The following LYPD1 variants were observed in gnomAD, a reference collection of about 807,000 sequenced individuals.
LYPD1 encodes the protein LY6/PLAUR domain containing 1.
Under a neutral mutation model 14.2 loss-of-function variants are expected in LYPD1, and 14 were observed. The observed-to-expected ratio is 0.99, with a 90% CI of 0.65 to 1.54. The LOEUF (loss-of-function observed/expected upper bound fraction) is 1.54, where lower values mean the gene tolerates loss of function less well. LYPD1 is among the 40% of genes most tolerant of loss of function. LYPD1 has a pLI of 0.00. For synonymous variants in LYPD1, 85 were observed against 70.6 expected (o/e 1.20, Z -1.02); for missense variants, 165 against 175.7 (o/e 0.94, Z 0.34).
At chr2:132,654,685 C>T (rs1042320249) in intron 2 of LYPD1, among the ~76,000 whole-genome samples, 6 of 152,098 alleles carry the variant, frequency 3.9e-5, no homozygotes, top group Non-Finnish European at 7.3e-5. Flanking sequence ...GTCTCAACAT[C>T]CATCCATGTA....
rs1337909587 is a variant in LYPD1, at chr2:132,670,186, T to A, written c.-254A>T. On this transcript the variant is annotated 5_prime_UTR_variant, in exon 1 of 3. Coordinates refer to ENST00000397463, the MANE Select transcript of LYPD1 (RefSeq NM_144586.7). This position sits in a 1 kb window ranked among gnomAD's most constrained non-coding sequence, Gnocchi z 4.5. Reference sequence around the variant, plus strand: ...CGGGCCGAGCACCGCGCCTCCGGAGTTGGCGGCTGAGACTGAAGGAACTAC... The same window carrying A: ...CGGGCCGAGCACCGCGCCTCCGGAGATGGCGGCTGAGACTGAAGGAACTAC... The A allele has an allele frequency of 1.7e-5, 22 of 1,275,954 alleles. No individual in the cohort carries two copies. Among genetic ancestry groups the A allele is most frequent in the African/African-American group, 3.2e-5 (2 of 62,834 alleles). The allele number at this position is 1,275,954 out of a possible 1,614,324, so 79.0% of individuals were successfully genotyped here. A position where few individuals can be genotyped will look rare whatever the true frequency, so the allele number is the denominator to read the frequency against.
At chr2:132,665,671 C>A (rs146514346) in intron 2 of LYPD1, among the ~76,000 whole-genome samples, 1 of 152,310 alleles carries the variant, frequency 6.6e-6, no homozygotes, top group East Asian at 1.9e-4. Flanking sequence ...ATCTAATTTT[C>A]CTGGACCTTG....
Position 132,646,258 on chromosome 2 carries a change from A to G in LYPD1, c.213T>C (p.Cys71=), listed in dbSNP as rs1480536581. 1.3e-6 allele frequency: 2 copies of G among 1,565,096 alleles called. No individual in the cohort carries two copies. The highest frequency in any genetic ancestry group is 2.3e-5 in the East Asian group (1 of 43,694). The change falls in exon 3 of 3, where the codon TGT becomes TGC. Residue 71 remains cysteine (C), a synonymous_variant. Transcript: ENST00000397463. ...QSAGIMYRKS[C]ASSAACLIAS... ...CGATGAGACAGGCCGCTGATGATGC[A>G]CAGGACTTGCGGTACATGATCCCTG...
intron 2 of LYPD1, chr2:132,646,539 AAGAGC>A (rs1682092235): frequency 1.4e-5 from 5 of 362,268 alleles, no homozygotes; most frequent in Non-Finnish European, 2.5e-5. Flanking sequence ...CCTGTTAATA[AAGAGC>A]TGTTAAATAG....
chr2:132,645,159 G>A lies in LYPD1; in HGVS notation c.*886C>T. The A allele has an allele frequency of 6.2e-7, 1 of 1,614,188 alleles. No homozygotes were observed. The highest frequency in any genetic ancestry group is 2.2e-5 in the East Asian group (1 of 44,878). On this transcript the variant is annotated 3_prime_UTR_variant, in exon 3 of 3. Coordinates refer to ENST00000397463, the MANE Select transcript of LYPD1 (RefSeq NM_144586.7). ...TGCCCAACCAGATTCGGAGGATCATGGCTGCGGCCAAACCCAAGCACGACT... is the reference window on the plus strand; with the variant it reads ...TGCCCAACCAGATTCGGAGGATCATAGCTGCGGCCAAACCCAAGCACGACT...
rs777574565 is a variant in LYPD1, at chr2:132,646,358, C to T, written c.191-78G>A. On this transcript the variant is annotated intron_variant, in intron 2 of 2. Transcript: ENST00000397463. ...CTGTCCCTCTCAGCCCAAATCCAAA[C>T]GGACAGCTCTTCCTTACTCCTCCCA... is the stretch of plus-strand genomic sequence containing the variant. 43 of 984,424 alleles carry T rather than the reference C, an allele frequency of 4.4e-5. No individual in the cohort carries two copies. The South Asian group carries it at 4.6e-4, about 11-fold the overall frequency. 61.0% of individuals were successfully genotyped at this position (984,424 alleles called of 1,614,324 possible). A position where few individuals can be genotyped will look rare whatever the true frequency, so the allele number is the denominator to read the frequency against.
At chr2:132,655,264 G>A (rs999259339) in intron 2 of LYPD1, among the ~76,000 whole-genome samples, 42 of 152,124 alleles carry the variant, frequency 2.8e-4, no homozygotes, top group African/African-American at 1.0e-3. Flanking sequence ...ATGCCAATTT[G>A]AAAGCTCATT....
chr2:132,647,321 A>C (rs1682150310), intron 2 of LYPD1, among the ~76,000 whole-genome samples: 2 of 152,248 alleles, frequency 1.3e-5, no homozygotes, highest in African/African-American at 4.8e-5. Flanking sequence ...CCATGCTGTC[A>C]AGACGGTGTT....
At position 132,645,141 on chromosome 2, in the gene LYPD1, C is replaced by T; in HGVS notation, c.*904G>A. On this transcript the variant is annotated 3_prime_UTR_variant, in exon 3 of 3. Coordinates refer to ENST00000397463, the MANE Select transcript of LYPD1 (RefSeq NM_144586.7). ...CATTGGCCGTATGCTGGATGCCCAA[C>T]CAGATTCGGAGGATCATGGCTGCGG... 1.2e-6 allele frequency: 2 copies of T among 1,614,100 alleles called. No homozygotes were observed. Among genetic ancestry groups the T allele is most frequent in the Non-Finnish European group, 1.7e-6 (2 of 1,179,978 alleles).
intron 2 of LYPD1, among the ~76,000 whole-genome samples, chr2:132,651,616 G>A (rs1408959757): frequency 1.3e-5 from 2 of 152,144 alleles, no homozygotes; most frequent in Admixed American, 6.5e-5. Context: ...TCCTTAATAG[G>A]GGAAAGGTAC....
chr2:132,650,737 A>G (rs1682332921), intron 2 of LYPD1, among the ~76,000 whole-genome samples: 1 of 151,572 alleles, frequency 6.6e-6, no homozygotes, highest in Non-Finnish European at 1.5e-5. Flanking sequence ...ACAAAAAACA[A>G]AAACAAAACC....
chr2:132,660,875 A>C (rs1558884098), intron 2 of LYPD1, among the ~76,000 whole-genome samples: 1 of 152,216 alleles, frequency 6.6e-6, no homozygotes, highest in Non-Finnish European at 1.5e-5. Context: ...CATGGTATTC[A>C]TTGTAGACGA....
At chr2:132,658,524 G>C (rs1164511298) in intron 2 of LYPD1, among the ~76,000 whole-genome samples, 2 of 152,184 alleles carry the variant, frequency 1.3e-5, no homozygotes, top group East Asian at 3.9e-4. Flanking sequence ...ATGATGCCAG[G>C]TTTTGTCAAT....
intron 2 of LYPD1, chr2:132,660,382 A>G (rs1429319022): frequency 6.6e-6 from 1 of 152,216 alleles, no homozygotes; most frequent in Non-Finnish European, 1.5e-5. Flanking sequence ...AAAACACTTA[A>G]TTCAGTCCAT....
intron 2 of LYPD1, among the ~76,000 whole-genome samples, chr2:132,648,395 T>C (rs1682224608): frequency 6.6e-6 from 1 of 152,268 alleles, no homozygotes; most frequent in Non-Finnish European, 1.5e-5. Context: ...GATGCTGTCA[T>C]CAGTGTGGCA....
In LYPD1 at chr2:132,644,160, A is replaced by G. The variant is rs1162926490; in HGVS notation, c.*1885T>C. Among the ~76,000 whole-genome samples the G allele has an allele frequency of 6.6e-6, 1 of 152,214 alleles. No homozygotes were observed. The highest frequency in any genetic ancestry group is 1.5e-5 in the Non-Finnish European group (1 of 68,028). ...CTGTGATTTCAGTTGTTTGTGGTCT[A>G]TGTAGCATCTTTATCTCTGTCAGTC... On this transcript the variant is annotated 3_prime_UTR_variant, in exon 3 of 3. Coordinates refer to ENST00000397463, the MANE Select transcript of LYPD1 (RefSeq NM_144586.7).
At chr2:132,658,843 G>A (rs984155049) in intron 2 of LYPD1, among the ~76,000 whole-genome samples, 3 of 152,334 alleles carry the variant, frequency 2.0e-5, no homozygotes, top group East Asian at 1.9e-4. Flanking sequence ...TCCCAAGGGA[G>A]AGCTGATGAC....
chr2:132,664,953 T>C (rs1318202092), intron 2 of LYPD1, among the ~76,000 whole-genome samples: 1 of 152,220 alleles, frequency 6.6e-6, no homozygotes, highest in Non-Finnish European at 1.5e-5. Context: ...ACTCATTAAG[T>C]GCAGAGCTAG....
In LYPD1 at chr2:132,644,852, T is replaced by C. The variant is rs141367491; in HGVS notation, c.*1193A>G. ...ATTAACAGACATCAACTGGTATAAA[T>C]ACACTGTCTAAAGCATTTAATGGTC... On this transcript the variant is annotated 3_prime_UTR_variant, in exon 3 of 3. Coordinates refer to ENST00000397463, the MANE Select transcript of LYPD1 (RefSeq NM_144586.7). 3.0e-3 allele frequency: 1,521 copies of C among 510,836 alleles called. 15 individuals are homozygous for C. Among genetic ancestry groups the C allele is most frequent in the Non-Finnish European group, 1.1e-3 (311 of 291,304 alleles). 31.6% of individuals were successfully genotyped at this position (510,836 alleles called of 1,614,324 possible).
Sources: gnomAD v4.1 joint callset for allele counts (sites outside exome capture counted in the v4.1 genomes callset) on GRCh38, gnomAD v4.1.1 for gene constraint, Gnocchi (gnomAD v3.1) non-coding constraint, MANE v1.5 for transcripts, NCBI Gene and HGNC (gene_info 2026-07-23, HGNC 2026-07-21) for gene names.